STARD13: variants seen among roughly 807,000 people sequenced by gnomAD.
STARD13 encodes stAR-related lipid transfer protein 13.
STARD13 carries 62 observed loss-of-function variants against 106.4 expected under a neutral mutation model. The observed-to-expected ratio is 0.58, with a 90% CI of 0.48 to 0.72. STARD13 has a LOEUF of 0.72. Ranked by LOEUF, STARD13 falls within the 30% of genes least tolerant of loss-of-function variation. The pLI is 0.00. For synonymous variants in STARD13, 565 were observed against 553.0 expected (o/e 1.02, Z -0.31); for missense variants, 1,387 against 1,424.0 (o/e 0.97, Z 0.42).
At chr13:33,420,460 C>T in the STARD13 span, among the ~76,000 whole-genome samples, 13 of 152,144 alleles carry the variant, frequency 8.5e-5, no homozygotes, top group Non-Finnish European at 1.5e-4. Context: ...AAAGCAAGTC[C>T]TTAGAGACCT....
chr13:33,190,866 G>A (rs1271659561), intron 1 of STARD13, among the ~76,000 whole-genome samples: 2 of 152,074 alleles, frequency 1.3e-5, no homozygotes, highest in Admixed American at 1.3e-4. Context: ...TTACAGGCAT[G>A]AGCCACCGTA....
chr13:33,666,926 G>A, the STARD13 span, among the ~76,000 whole-genome samples: 1 of 152,136 alleles, frequency 6.6e-6, no homozygotes, highest in African/African-American at 2.4e-5. Context: ...TTTAAAAAGT[G>A]GATGGATGAA....
At chr13:33,139,225 G>C (rs1171427251) in intron 4 of STARD13, among the ~76,000 whole-genome samples, 1 of 152,224 alleles carries the variant, frequency 6.6e-6, no homozygotes, top group Admixed American at 6.5e-5. Context: ...CCAGACTCCA[G>C]TTTGTCTCTG....
At chr13:33,469,030 A>G in the STARD13 span, among the ~76,000 whole-genome samples, 1 of 152,208 alleles carries the variant, frequency 6.6e-6, no homozygotes, top group Non-Finnish European at 1.5e-5. Flanking sequence ...AAACTATTGT[A>G]GTTGTGTTAT....
At chr13:33,111,629 C>T (rs1874582442) in intron 10 of STARD13, 149 bp downstream of exon 10, 2 of 577,330 alleles carry the variant, frequency 3.5e-6, no homozygotes, top group Non-Finnish European at 3.1e-6. Context: ...CCTCAGCTTT[C>T]TTGGAAGCAA....
the STARD13 span, among the ~76,000 whole-genome samples, chr13:33,560,825 C>T: frequency 2.6e-5 from 4 of 151,546 alleles, no homozygotes; most frequent in African/African-American, 7.3e-5. Context: ...CATACAAAAT[C>T]AGAGCCCTTC....
At chr13:33,591,337 C>T in the STARD13 span, among the ~76,000 whole-genome samples, 3 of 152,204 alleles carry the variant, frequency 2.0e-5, no homozygotes, top group Non-Finnish European at 4.4e-5. Context: ...GGATGAAATG[C>T]TAGTTTGGAA....
At chr13:33,145,870 AC>A (rs1880459167) in intron 3 of STARD13, among the ~76,000 whole-genome samples, 1 of 152,146 alleles carries the variant, frequency 6.6e-6, no homozygotes, top group Admixed American at 6.5e-5. Context: ...GCACTGGGGG[AC>A]TTTTTGAGGT....
chr13:33,344,755 G>A (rs1479187965), downstream of STARD13, among the ~76,000 whole-genome samples: 1 of 152,170 alleles, frequency 6.6e-6, no homozygotes, highest in Non-Finnish European at 1.5e-5. Flanking sequence ...GATTTAAAAT[G>A]AGACTATAAA....
chr13:33,174,163 T>C (rs1353815171), intron 1 of STARD13, among the ~76,000 whole-genome samples: 1 of 152,146 alleles, frequency 6.6e-6, no homozygotes, highest in African/African-American at 2.4e-5. Context: ...TAATCAGTCT[T>C]TTTCAGCCTG....
intron 1 of STARD13, among the ~76,000 whole-genome samples, chr13:33,338,771 C>T (rs1180588725): frequency 6.6e-6 from 1 of 151,512 alleles, no homozygotes; most frequent in African/African-American, 2.4e-5. Context: ...GTAGTCCCAG[C>T]TACTCAGGGA....
chr13:33,475,791 A>G, the STARD13 span, among the ~76,000 whole-genome samples: 2 of 152,088 alleles, frequency 1.3e-5, no homozygotes, highest in Non-Finnish European at 2.9e-5. Context: ...CCCCGTTTCT[A>G]CTAAAAATAC....
chr13:33,109,533 C>T (rs1473231048), intron 12 of STARD13, among the ~76,000 whole-genome samples: 4 of 152,220 alleles, frequency 2.6e-5, no homozygotes, highest in Non-Finnish European at 4.4e-5. Flanking sequence ...CCAGTCAGAT[C>T]CATTTGCATA....
chr13:33,643,179 A>ACG, the STARD13 span, among the ~76,000 whole-genome samples: 2 of 151,814 alleles, frequency 1.3e-5, no homozygotes, highest in African/African-American at 4.8e-5. Context: ...ACACACACAC[A>ACG]CACACACACA....
At chr13:33,354,730 A>G (rs1043455153), upstream of STARD13, among the ~76,000 whole-genome samples, 5 of 152,078 alleles carry the variant, frequency 3.3e-5, no homozygotes, top group African/African-American at 1.2e-4. Context: ...CTTCATTCTC[A>G]TTAATTATCA....
rs542010873 is a variant in STARD13 at position 33,195,433 on chromosome 13, A to G, written c.170-27811T>C. Among the ~76,000 whole-genome samples, 7 of 152,270 alleles carry G rather than the reference A, an allele frequency of 4.6e-5. No individual in the cohort carries two copies. In the East Asian group the frequency reaches 7.7e-4, roughly 17 times the overall value. On this transcript the variant is annotated intron_variant, in intron 1 of 13. Coordinates refer to ENST00000336934, the MANE Select transcript of STARD13 (RefSeq NM_178006.4). The stretch of plus-strand genomic sequence containing the variant: ...GGGGACCACATTTTTCTCTCAGGAG[A>G]CTGTCCTGTAATTCACTGAATCATT...
the STARD13 span, among the ~76,000 whole-genome samples, chr13:33,356,868 T>C: frequency 1.3e-5 from 2 of 152,216 alleles, no homozygotes; most frequent in African/African-American, 4.8e-5. Context: ...AGAATAGGAT[T>C]CACATCTTAG....
At chr13:33,326,879 C>T (rs951722197) in intron 1 of STARD13, among the ~76,000 whole-genome samples, 1 of 152,148 alleles carries the variant, frequency 6.6e-6, no homozygotes, top group Non-Finnish European at 1.5e-5. Flanking sequence ...CAGCAAAAAC[C>T]ATGCTGTTCT....
the STARD13 span, among the ~76,000 whole-genome samples, chr13:33,644,952 T>C: frequency 1.3e-5 from 2 of 152,076 alleles, no homozygotes; most frequent in Non-Finnish European, 2.9e-5. Flanking sequence ...CTAAAACACA[T>C]GGAAATTTTC....
Sources: allele counts gnomAD v4.1 joint callset (sites outside exome capture counted in the v4.1 genomes callset), GRCh38; gene constraint gnomAD v4.1.1; transcripts MANE v1.5; gene names NCBI Gene and HGNC (gene_info 2026-07-23, HGNC 2026-07-21).